The following SNX33 variants were observed in gnomAD, a reference collection of about 807,000 sequenced individuals.
The protein encoded by SNX33 is sorting nexin-33.
SNX33 carries 19 observed loss-of-function variants against 38.8 expected under a neutral mutation model. That is an observed-to-expected ratio of 0.49 (90% CI 0.34 to 0.72). The LOEUF is 0.72. SNX33 is among the 30% of genes least tolerant of loss of function. The pLI, the probability that SNX33 is intolerant of heterozygous loss-of-function variation, is 0.01. For missense variants in SNX33, 641 were observed against 776.4 expected (o/e 0.83, Z 2.07); for synonymous variants, 246 against 289.7 (o/e 0.85, Z 1.53).
rs999406322 is a variant in SNX33 at position 75,661,007 on chromosome 15, G to T, written c.*3792G>T. ...GAGGCCCAGGGAGCAGTGGTGGCTGGCCTTATCACCCAGCAGGGCAGGGGA... is the reference window on the plus strand; with the variant it reads ...GAGGCCCAGGGAGCAGTGGTGGCTGTCCTTATCACCCAGCAGGGCAGGGGA... On this transcript the variant is annotated 3_prime_UTR_variant, in exon 2 of 2. Transcript: ENST00000308527. The surrounding 1 kb of genome is among the most constrained non-coding windows in gnomAD (Gnocchi z 4.5). 6.6e-6 allele frequency: 1 copy of T among 152,220 alleles called. No individual in the cohort carries two copies. Among genetic ancestry groups the T allele is most frequent in the Non-Finnish European group, 1.5e-5 (1 of 68,064 alleles). 9.4% of individuals were successfully genotyped at this position (152,220 alleles called of 1,614,324 possible).
intron 1 of SNX33, among the ~76,000 whole-genome samples, chr15:75,653,497 G>C (rs1337454817): frequency 6.6e-6 from 1 of 152,230 alleles, no homozygotes; most frequent in Non-Finnish European, 1.5e-5. Flanking sequence ...TACAGACGAG[G>C]TGCAGCGATG....
At chr15:75,653,899 C>CT (rs746926168) in intron 1 of SNX33, among the ~76,000 whole-genome samples, 85 of 152,182 alleles carry the variant, frequency 5.6e-4, no homozygotes, top group Admixed American at 1.3e-3. Flanking sequence ...CGACACCAGC[C>CT]TGGCTAACAT....
chr15:75,655,692 G>A (rs1312711875), intron 1 of SNX33, among the ~76,000 whole-genome samples: 1 of 152,178 alleles, frequency 6.6e-6, no homozygotes, highest in African/African-American at 2.4e-5. Context: ...GCCAGGGAGT[G>A]AAGAGAATAT....
Position 75,657,036 on chromosome 15 carries a change from A to G in SNX33, c.1546A>G (p.Ile516Val). The stretch of plus-strand genomic sequence containing the variant: ...CATGGTGCAGGACGAGGCAGACGGC[A>G]TTCGCAGGCGCTGCCGCGTGGTGGG... ...GRMVQDEADGIRRRCRVVGFA... is the reference protein window; with the variant it reads ...GRMVQDEADGVRRRCRVVGFA... Residue 516 changes from isoleucine to valine, a missense_variant, in exon 2 of 2, where the codon ATT (isoleucine) becomes GTT (valine). Ile to Val is a conservative substitution (Grantham distance 29). Coordinates refer to ENST00000308527, the MANE Select transcript of SNX33 (RefSeq NM_153271.2). The surrounding 1 kb of genome is among the most constrained non-coding windows in gnomAD (Gnocchi z 5.5). 6.2e-7 allele frequency: 1 copy of G among 1,614,166 alleles called. No homozygotes were observed. The highest frequency in any genetic ancestry group is 8.5e-7 in the Non-Finnish European group (1 of 1,180,008).
intron 1 of SNX33, among the ~76,000 whole-genome samples, chr15:75,656,301 A>T (rs949372728): frequency 6.6e-6 from 1 of 152,156 alleles, no homozygotes; most frequent in African/African-American, 2.4e-5. Flanking sequence ...ATGAATTATG[A>T]ATAGGAATCC....
rs150854461 is a variant in SNX33 at position 75,650,234 on chromosome 15, G to C, written c.1132G>C (p.Val378Leu). ...HQDLQDVEDR[V>L]DTFKAFSKKM... ...GGACTTGCAGGACGTGGAAGATCGC[G>C]TGGACACTTTCAAGGCCTTCAGTAA... The change falls in exon 1 of 2, where the codon GTG becomes CTG. Residue 378 changes from valine to leucine, a missense_variant. Physicochemically the swap from Val to Leu is conservative, Grantham distance 32. Coordinates refer to ENST00000308527, the MANE Select transcript of SNX33 (RefSeq NM_153271.2). The surrounding 1 kb of genome is among the most constrained non-coding windows in gnomAD (Gnocchi z 6.1). 1 of 1,588,870 alleles carries C rather than the reference G, an allele frequency of 6.3e-7. No individual in the cohort carries two copies. Among genetic ancestry groups the C allele is most frequent in the African/African-American group, 1.3e-5 (1 of 74,284 alleles).
chr15:75,654,408 G>A (rs1237350351), intron 1 of SNX33, among the ~76,000 whole-genome samples: 1 of 152,194 alleles, frequency 6.6e-6, no homozygotes, highest in Non-Finnish European at 1.5e-5. Context: ...CTAGGACTAG[G>A]ACTCAGACCT....
In SNX33 at chr15:75,658,175, C is replaced by A. The variant is rs1434206087; in HGVS notation, c.*960C>A. 1.3e-5 allele frequency: 2 copies of A among 152,646 alleles called. No homozygotes were observed. The highest frequency in any genetic ancestry group is 6.5e-5 in the Admixed American group (1 of 15,274). 9.5% of individuals were successfully genotyped at this position (152,646 alleles called of 1,614,324 possible). A position where few individuals can be genotyped will look rare whatever the true frequency, so the allele number is the denominator to read the frequency against. ...GGCCCCAGATCCCTGGTGACACCTT[C>A]CTGGAGAAGACTCTCAAAAGTGACT... On this transcript the variant is annotated 3_prime_UTR_variant, in exon 2 of 2. Coordinates refer to ENST00000308527, the MANE Select transcript of SNX33 (RefSeq NM_153271.2). This position sits in a 1 kb window ranked among gnomAD's most constrained non-coding sequence, Gnocchi z 4.1.
At chr15:75,654,448 G>A (rs1893627485) in intron 1 of SNX33, among the ~76,000 whole-genome samples, 1 of 152,176 alleles carries the variant, frequency 6.6e-6, no homozygotes, top group South Asian at 2.1e-4. Context: ...AACCTGGGGT[G>A]GATGTTAACT....
Position 75,649,362 on chromosome 15 carries a change from G to T in SNX33, c.260G>T (p.Ser87Ile). ...SPGAQVSLYN[S>I]PSVASPARSG... Reference sequence around the variant, plus strand: ...GGAGCCCAGGTGAGCTTGTACAACAGCCCCAGTGTGGCCAGCCCAGCTAGG... The same window carrying T: ...GGAGCCCAGGTGAGCTTGTACAACATCCCCAGTGTGGCCAGCCCAGCTAGG... Residue 87 changes from serine to isoleucine, a missense_variant, in exon 1 of 2, where the codon AGC becomes ATC. Ser to Ile is a moderately radical substitution (Grantham distance 142, BLOSUM62 -2). Coordinates refer to ENST00000308527, the MANE Select transcript of SNX33 (RefSeq NM_153271.2). The surrounding 1 kb of genome is among the most constrained non-coding windows in gnomAD (Gnocchi z 6.6). 6.4e-7 allele frequency: 1 copy of T among 1,562,120 alleles called. No homozygotes were observed. The highest frequency in any genetic ancestry group is 8.7e-7 in the Non-Finnish European group (1 of 1,151,332).
chr15:75,654,492 TG>T (rs990656885), intron 1 of SNX33, among the ~76,000 whole-genome samples: 3 of 152,178 alleles, frequency 2.0e-5, no homozygotes, highest in Non-Finnish European at 4.4e-5. Context: ...TGGATTGAGG[TG>T]GGAGCTTAGG....
rs544760923 is a variant in SNX33 at position 75,659,071 on chromosome 15, G to A, written c.*1856G>A. 4.4e-4 allele frequency: 67 copies of A among 152,444 alleles called. No individual in the cohort carries two copies. Among genetic ancestry groups the A allele is most frequent in the African/African-American group, 1.5e-3 (64 of 41,588 alleles). 9.4% of individuals were successfully genotyped at this position (152,444 alleles called of 1,614,324 possible). A position where few individuals can be genotyped will look rare whatever the true frequency, so the allele number is the denominator to read the frequency against. On this transcript the variant is annotated 3_prime_UTR_variant, in exon 2 of 2. Coordinates refer to ENST00000308527, the MANE Select transcript of SNX33 (RefSeq NM_153271.2). ...GGGGAGGGAAGTGGGGGACTCAGAA[G>A]CTGTGTCTCTTCCCCAAACCGTCCT... is the stretch of plus-strand genomic sequence containing the variant.
chr15:75,648,177 CT>C lies in SNX33; in HGVS notation c.-923del, dbSNP rs978225879. 79 of 985,496 alleles carry C rather than the reference CT, an allele frequency of 8.0e-5. No homozygotes were observed. The highest frequency in any genetic ancestry group is 9.4e-5 in the Non-Finnish European group (78 of 830,076). 61.0% of individuals were successfully genotyped at this position (985,496 alleles called of 1,614,324 possible). A position where few individuals can be genotyped will look rare whatever the true frequency, so the allele number is the denominator to read the frequency against. On this transcript the variant is annotated 5_prime_UTR_variant, in exon 1 of 2. Coordinates refer to ENST00000308527, the MANE Select transcript of SNX33 (RefSeq NM_153271.2). This position sits in a 1 kb window ranked among gnomAD's most constrained non-coding sequence, Gnocchi z 4.4. The stretch of plus-strand genomic sequence containing the variant: ...AGGAACCGGTTTCTGCTGGGGTTAC[CT>C]TTGGACGGGGTTCCTGGGATTCAGA...
chr15:75,653,682 G>C (rs1353561368), intron 1 of SNX33, among the ~76,000 whole-genome samples: 1 of 152,214 alleles, frequency 6.6e-6, no homozygotes, highest in Non-Finnish European at 1.5e-5. Context: ...CTGTGGGCTA[G>C]AGAGAGGCCC....
Position 75,648,865 on chromosome 15 carries a change from C to T in SNX33, c.-238C>T. 1 of 434,638 alleles carries T rather than the reference C, an allele frequency of 2.3e-6. No homozygotes were observed. The highest frequency in any genetic ancestry group is 4.3e-5 in the Admixed American group (1 of 23,130). The allele number at this position is 434,638 out of a possible 1,614,324, so 26.9% of individuals were successfully genotyped here. ...GAGGAGACTGTGGACATGAGCCCTC[C>T]CTGCTCACAAGCATATGCCCGGAGA... On this transcript the variant is annotated 5_prime_UTR_variant, in exon 1 of 2. Coordinates refer to ENST00000308527, the MANE Select transcript of SNX33 (RefSeq NM_153271.2). The surrounding 1 kb of genome is among the most constrained non-coding windows in gnomAD (Gnocchi z 4.4).
At position 75,648,401 on chromosome 15, in the gene SNX33, G is replaced by A. The variant is rs1159472107; in HGVS notation, c.-702G>A. 3.0e-6 allele frequency: 3 copies of A among 985,338 alleles called. No homozygotes were observed. Among genetic ancestry groups the A allele is most frequent in the African/African-American group, 1.7e-5 (1 of 57,226 alleles). The allele number at this position is 985,338 out of a possible 1,614,324, so 61.0% of individuals were successfully genotyped here. ...GCTGCGCAGCCGGGGTCGAAGAGTTGGCGGCCTGTTGTGTAAGCCTCAGTC... is the reference window on the plus strand; with the variant it reads ...GCTGCGCAGCCGGGGTCGAAGAGTTAGCGGCCTGTTGTGTAAGCCTCAGTC... On this transcript the variant is annotated 5_prime_UTR_variant, in exon 1 of 2. Coordinates refer to ENST00000308527, the MANE Select transcript of SNX33 (RefSeq NM_153271.2). The surrounding 1 kb of genome is among the most constrained non-coding windows in gnomAD (Gnocchi z 4.4).
rs1213792994 is a variant in SNX33 at position 75,661,322 on chromosome 15, G to GCCT, written c.*4110_*4112dup. ...CCTGCCCGCCTGCCCGCTGACTCAG[G>GCCT]CCTCCAGGAGCCAAGCCTGCTCAGC... On this transcript the variant is annotated 3_prime_UTR_variant, in exon 2 of 2. Transcript: ENST00000308527. The surrounding 1 kb of genome is among the most constrained non-coding windows in gnomAD (Gnocchi z 4.5). 1 of 151,594 alleles carries GCCT rather than the reference G, an allele frequency of 6.6e-6. No homozygotes were observed. Among genetic ancestry groups the GCCT allele is most frequent in the African/African-American group, 2.4e-5 (1 of 41,208 alleles). 9.4% of individuals were successfully genotyped at this position (151,594 alleles called of 1,614,324 possible). A position where few individuals can be genotyped will look rare whatever the true frequency, so the allele number is the denominator to read the frequency against.
At position 75,657,934 on chromosome 15, in the gene SNX33, G is replaced by A. The variant is rs1893676256; in HGVS notation, c.*719G>A. The A allele has an allele frequency of 6.5e-6, 1 of 153,298 alleles. No homozygotes were observed. Among genetic ancestry groups the A allele is most frequent in the South Asian group, 2.1e-4 (1 of 4,862 alleles). The allele number at this position is 153,298 out of a possible 1,614,324, so 9.5% of individuals were successfully genotyped here. A position where few individuals can be genotyped will look rare whatever the true frequency, so the allele number is the denominator to read the frequency against. On this transcript the variant is annotated 3_prime_UTR_variant, in exon 2 of 2. Transcript: ENST00000308527. This position sits in a 1 kb window ranked among gnomAD's most constrained non-coding sequence, Gnocchi z 5.5. ...AGCAAGTTAGGTACGCTTTCCATGG[G>A]GATTCTGGCCTGTGTGGTAGGAAGG... is the stretch of plus-strand genomic sequence containing the variant.
chr15:75,657,289 T>C lies in SNX33; in HGVS notation c.*74T>C. Reference sequence around the variant, plus strand: ...GTACCCCACTTTCCCGACCTCCCTATACCAGCAGTGACTGGGGGAGGGGTC... The same window carrying C: ...GTACCCCACTTTCCCGACCTCCCTACACCAGCAGTGACTGGGGGAGGGGTC... On this transcript the variant is annotated 3_prime_UTR_variant, in exon 2 of 2. Transcript: ENST00000308527. This position sits in a 1 kb window ranked among gnomAD's most constrained non-coding sequence, Gnocchi z 5.5. 1 of 1,581,670 alleles carries C rather than the reference T, an allele frequency of 6.3e-7. No homozygotes were observed. The highest frequency in any genetic ancestry group is 1.1e-5 in the South Asian group (1 of 87,570).
Sources: gnomAD v4.1 joint callset for allele counts (sites outside exome capture counted in the v4.1 genomes callset) on GRCh38, gnomAD v4.1.1 for gene constraint, Gnocchi (gnomAD v3.1) non-coding constraint, MANE v1.5 for transcripts, NCBI Gene and HGNC (gene_info 2026-07-23, HGNC 2026-07-21) for gene names.